Variants in AIG1 observed in about 807,000 individuals in gnomAD.
The protein encoded by AIG1 is androgen-induced gene 1 protein.
Under a neutral mutation model 31.4 loss-of-function variants are expected in AIG1, and 23 were observed. That is an observed-to-expected ratio of 0.73 (90% CI 0.53 to 1.04). The LOEUF is 1.04. Ranked by LOEUF, AIG1 falls within the 50% of genes least tolerant of loss-of-function variation. The pLI is 0.00. For synonymous variants in AIG1, 100 were observed against 110.5 expected (o/e 0.90, Z 0.60); for missense variants, 274 against 295.0 (o/e 0.93, Z 0.52).
At position 143,256,962 on chromosome 6, in the gene AIG1, A is replaced by C. The variant is rs1407590952; in HGVS notation, c.400-27148A>C. Among the ~76,000 whole-genome samples, 2 of 152,192 alleles carry C rather than the reference A, an allele frequency of 1.3e-5. No homozygotes were observed. The highest frequency in any genetic ancestry group is 4.8e-5 in the African/African-American group (2 of 41,438). ...GGTGAGGAGGAGGCTAGAAATCTTA[A>C]ATGATATAATTGGCTTTGGAAGCAT... is the stretch of plus-strand genomic sequence containing the variant. On this transcript the variant is annotated intron_variant, in intron 3 of 5. Coordinates refer to ENST00000357847, the MANE Select transcript of AIG1 (RefSeq NM_016108.4). This position sits in a 1 kb window ranked among gnomAD's most constrained non-coding sequence, Gnocchi z 4.6.
intron 1 of AIG1, among the ~76,000 whole-genome samples, chr6:143,112,267 ACTT>A (rs1265584279): frequency 6.6e-6 from 1 of 151,992 alleles, no homozygotes; most frequent in Non-Finnish European, 1.5e-5. Context: ...TCTATCCACA[ACTT>A]CTTCTGTGGG....
In AIG1 at chr6:143,258,010, G is replaced by A. The variant is rs1022093527; in HGVS notation, c.400-26100G>A. Among the ~76,000 whole-genome samples, 34 of 152,294 alleles carry A rather than the reference G, an allele frequency of 2.2e-4. No individual in the cohort carries two copies. The highest frequency in any genetic ancestry group is 7.7e-4 in the African/African-American group (32 of 41,552). ...TGGGATTTCAAAAGTTAAAGAGGAG[G>A]AAGGGAAAGGAACAGAAACTAATAA... On this transcript the variant is annotated intron_variant, in intron 3 of 5. Coordinates refer to ENST00000357847, the MANE Select transcript of AIG1 (RefSeq NM_016108.4). The surrounding 1 kb of genome is among the most constrained non-coding windows in gnomAD (Gnocchi z 4.7).
intron 1 of AIG1, among the ~76,000 whole-genome samples, chr6:143,070,262 A>G (rs929890113): frequency 2.0e-5 from 3 of 152,174 alleles, no homozygotes; most frequent in African/African-American, 7.2e-5. Context: ...CGATTTGGGG[A>G]AAGTTGGACA....
intron 4 of AIG1, among the ~76,000 whole-genome samples, chr6:143,312,555 A>G (rs1775381643): frequency 6.6e-6 from 1 of 152,152 alleles, no homozygotes. Context: ...TAGAAAAATC[A>G]AATCAAAATA....
chr6:143,113,843 C>T (rs1390639461), intron 1 of AIG1, among the ~76,000 whole-genome samples: 2 of 151,678 alleles, frequency 1.3e-5, no homozygotes, highest in Admixed American at 6.6e-5. Context: ...GGCGTGATCT[C>T]GGCTCACTGC....
intron 4 of AIG1, among the ~76,000 whole-genome samples, chr6:143,285,027 T>G (rs1797592862): frequency 6.6e-6 from 1 of 152,146 alleles, no homozygotes; most frequent in Admixed American, 6.5e-5. Flanking sequence ...TCCTGAGTTC[T>G]GGTTCACCAT....
At position 143,331,646 on chromosome 6, in the gene AIG1, G is replaced by A. The variant is rs1461686047; in HGVS notation, c.516-1636G>A. Among the ~76,000 whole-genome samples the A allele has an allele frequency of 4.0e-5, 6 of 151,774 alleles. No individual in the cohort carries two copies. Among genetic ancestry groups the A allele is most frequent in the Non-Finnish European group, 8.8e-5 (6 of 67,952 alleles). ...TACATATATGTACATCTGTGTGTGT[G>A]TATATATGTGTGTGTGTATATGTGT... On this transcript the variant is annotated intron_variant, in intron 4 of 5. Transcript: ENST00000357847. This position sits in a 1 kb window ranked among gnomAD's most constrained non-coding sequence, Gnocchi z 4.1.
intron 3 of AIG1, among the ~76,000 whole-genome samples, chr6:143,180,458 C>T (rs1224267052): frequency 6.6e-6 from 1 of 152,146 alleles, no homozygotes; most frequent in African/African-American, 2.4e-5. Context: ...AAAATAGAAC[C>T]ATGAACCTTT....
chr6:143,136,859 A>C lies in AIG1; in HGVS notation c.166A>C (p.Ile56Leu). 1 of 1,457,974 alleles carries C rather than the reference A, an allele frequency of 6.9e-7. No homozygotes were observed. The highest frequency in any genetic ancestry group is 1.5e-5 in the South Asian group (1 of 67,210). The allele number at this position is 1,457,974 out of a possible 1,614,324, so 90.3% of individuals were successfully genotyped here. A position where few individuals can be genotyped will look rare whatever the true frequency, so the allele number is the denominator to read the frequency against. Residue 56 changes from isoleucine (I) to leucine (L), a missense_variant, in exon 2 of 6, where the codon ATC (isoleucine) becomes CTC (leucine). Physicochemically the swap from Ile to Leu is conservative, Grantham distance 5. Around this residue, in one of 2 missense-constraint regions of AIG1, gnomAD observed 243 missense variants for 238.5 expected, o/e 1.02. Coordinates refer to ENST00000357847, the MANE Select transcript of AIG1 (RefSeq NM_016108.4). ...GGTTATCCAGGCTGTCTTTTTTGGCATCTGTGTGCTGACTGATCTTTCCAG... is the reference window on the plus strand; with the variant it reads ...GGTTATCCAGGCTGTCTTTTTTGGCCTCTGTGTGCTGACTGATCTTTCCAG... ...DLVIQAVFFG[I>L]CVLTDLSSLL...
chr6:143,125,904 T>A (rs1332331803), intron 1 of AIG1, among the ~76,000 whole-genome samples: 1 of 152,226 alleles, frequency 6.6e-6, no homozygotes, highest in African/African-American at 2.4e-5. Flanking sequence ...ACTTATGGCC[T>A]GTTTCATCGA....
intron 1 of AIG1, among the ~76,000 whole-genome samples, chr6:143,081,858 C>A (rs937390457): frequency 1.3e-5 from 2 of 152,018 alleles, no homozygotes; most frequent in African/African-American, 2.4e-5. Flanking sequence ...AGGGGATTAC[C>A]CCATACTAGG....
At chr6:143,270,238 C>G (rs945102529) in intron 3 of AIG1, among the ~76,000 whole-genome samples, 6 of 152,294 alleles carry the variant, frequency 3.9e-5, no homozygotes, top group Non-Finnish European at 7.4e-5. Flanking sequence ...CTTAGCAGAG[C>G]CAATGTGGTC....
intron 5 of AIG1, among the ~76,000 whole-genome samples, chr6:143,336,675 A>G (rs137957778): frequency 1.0e-3 from 155 of 152,306 alleles, no homozygotes; most frequent in African/African-American, 3.5e-3. Flanking sequence ...CCTTCACCCA[A>G]TGAAAATATT....
At chr6:143,277,536 T>G (rs1361041846) in intron 3 of AIG1, among the ~76,000 whole-genome samples, 1 of 152,202 alleles carries the variant, frequency 6.6e-6, no homozygotes, top group Non-Finnish European at 1.5e-5. Context: ...TCTTTTTATT[T>G]ATGATCCAAA....
chr6:143,129,964 C>T (rs1446636143), intron 1 of AIG1, among the ~76,000 whole-genome samples: 1 of 148,196 alleles, frequency 6.7e-6, no homozygotes, highest in East Asian at 2.0e-4. Flanking sequence ...CGATGTCTCC[C>T]TTGGTCACCA....
intron 3 of AIG1, among the ~76,000 whole-genome samples, chr6:143,264,642 G>C (rs1219774379): frequency 6.6e-6 from 1 of 152,146 alleles, no homozygotes; most frequent in Admixed American, 6.6e-5. Context: ...CTCCCCAGTT[G>C]GAAATTGGCA....
chr6:143,198,891 A>G (rs1300304564), intron 3 of AIG1, among the ~76,000 whole-genome samples: 6 of 152,210 alleles, frequency 3.9e-5, no homozygotes, highest in Non-Finnish European at 8.8e-5. Flanking sequence ...TCTTGTGGAA[A>G]AAGGAGAAAA....
At chr6:143,108,648 A>G (rs776124280) in intron 1 of AIG1, among the ~76,000 whole-genome samples, 7 of 152,096 alleles carry the variant, frequency 4.6e-5, no homozygotes, top group Non-Finnish European at 8.8e-5. Flanking sequence ...ACAGACACAT[A>G]TATGTGGGAT....
intron 1 of AIG1, among the ~76,000 whole-genome samples, chr6:143,120,028 C>A (rs1484671407): frequency 6.6e-6 from 1 of 152,162 alleles, no homozygotes; most frequent in Non-Finnish European, 1.5e-5. Flanking sequence ...CTCCTGGGTT[C>A]AAGCAATTCT....
Sources: gnomAD v4.1 joint callset for allele counts (sites outside exome capture counted in the v4.1 genomes callset) on GRCh38, gnomAD v4.1.1 for gene constraint, gnomAD v4.1.1 regional missense constraint, Gnocchi (gnomAD v3.1) non-coding constraint, MANE v1.5 for transcripts, NCBI Gene and HGNC (gene_info 2026-07-23, HGNC 2026-07-21) for gene names.